Variants in GRIK1 observed in about 807,000 individuals in gnomAD.
GRIK1 encodes glutamate ionotropic receptor kainate type subunit 1.
GRIK1 carries 69 observed loss-of-function variants against 105.7 expected under a neutral mutation model. The observed-to-expected ratio is 0.65, with a 90% CI of 0.54 to 0.80. The LOEUF (loss-of-function observed/expected upper bound fraction) is 0.80. GRIK1 is among the 30% of genes least tolerant of loss of function. The pLI is 0.00. For missense variants in GRIK1, 1,109 were observed against 1,167.3 expected (o/e 0.95, Z 0.73); for synonymous variants, 438 against 431.3 (o/e 1.02, Z -0.19).
intron 1 of GRIK1, among the ~76,000 whole-genome samples, chr21:29,880,414 G>A (rs2069363254): frequency 6.6e-6 from 1 of 152,084 alleles, no homozygotes; most frequent in Non-Finnish European, 1.5e-5. Flanking sequence ...CCTATGATCA[G>A]AGAATCTTAT....
At chr21:29,587,921 T>C (rs1280739147) in intron 11 of GRIK1, among the ~76,000 whole-genome samples, 2 of 151,146 alleles carry the variant, frequency 1.3e-5, no homozygotes, top group African/African-American at 2.4e-5. Context: ...GTACTATTAA[T>C]TGACATGATG....
At chr21:29,560,558 T>TTCTC (rs1207072124) in intron 15 of GRIK1, among the ~76,000 whole-genome samples, 2 of 121,730 alleles carry the variant, frequency 1.6e-5, no homozygotes, top group South Asian at 2.5e-4. Flanking sequence ...CTTTCTTTCT[T>TTCTC]TCTTTCTTTC....
intron 1 of GRIK1, among the ~76,000 whole-genome samples, chr21:29,933,560 T>C (rs1452710650): frequency 6.6e-6 from 1 of 152,166 alleles, no homozygotes; most frequent in Non-Finnish European, 1.5e-5. Flanking sequence ...TTCCCCATGC[T>C]TACTTGCTCA....
chr21:29,740,181 A>G (rs1237653920), intron 1 of GRIK1, among the ~76,000 whole-genome samples: 1 of 151,832 alleles, frequency 6.6e-6, no homozygotes, highest in East Asian at 1.9e-4. Context: ...TCCTTATCAC[A>G]TGGCAGCCAC....
At chr21:29,561,144 T>C (rs781015288) in intron 15 of GRIK1, among the ~76,000 whole-genome samples, 2 of 152,220 alleles carry the variant, frequency 1.3e-5, no homozygotes, top group African/African-American at 2.4e-5. Flanking sequence ...ATCAGACTTA[T>C]AATTTAATCT....
At chr21:29,677,596 C>A (rs1247952217) in intron 3 of GRIK1, among the ~76,000 whole-genome samples, 1 of 151,810 alleles carries the variant, frequency 6.6e-6, no homozygotes, top group East Asian at 1.9e-4. Flanking sequence ...AAAAAAAAAA[C>A]CTCTGCTATT....
intron 15 of GRIK1, among the ~76,000 whole-genome samples, chr21:29,555,575 T>C (rs991724927): frequency 1.3e-5 from 2 of 152,198 alleles, no homozygotes; most frequent in Non-Finnish European, 2.9e-5. Flanking sequence ...CTATGACATG[T>C]CTTTGTTTCT....
At chr21:29,578,872 A>T (rs1176960770) in intron 13 of GRIK1, among the ~76,000 whole-genome samples, 3 of 152,228 alleles carry the variant, frequency 2.0e-5, no homozygotes, top group Admixed American at 2.0e-4. Flanking sequence ...TATCATTAAA[A>T]TACCATTTAT....
At chr21:29,757,315 TAGA>T (rs2065375413) in intron 1 of GRIK1, among the ~76,000 whole-genome samples, 1 of 152,146 alleles carries the variant, frequency 6.6e-6, no homozygotes, top group African/African-American at 2.4e-5. Flanking sequence ...AAAATCAGGG[TAGA>T]AGGTTTCCTT....
chr21:29,697,560 G>A lies in GRIK1; in HGVS notation c.119-3497C>T, dbSNP rs911122135. Among the ~76,000 whole-genome samples, 20 of 152,204 alleles carry A rather than the reference G, an allele frequency of 1.3e-4. 1 individual carries two copies. The highest frequency in any genetic ancestry group is 1.2e-3 in the Admixed American group (19 of 15,294). On this transcript the variant is annotated intron_variant, in intron 1 of 17. Coordinates refer to ENST00000327783, the MANE Select transcript of GRIK1 (RefSeq NM_001330994.2). ...CATCACACTCTCTTTCTTCAAGAGAGGGTTGCGGATAAATGCGAAAAATCT... is the reference window on the plus strand; with the variant it reads ...CATCACACTCTCTTTCTTCAAGAGAAGGTTGCGGATAAATGCGAAAAATCT...
chr21:29,600,107 ACTC>A (rs1202167850), intron 7 of GRIK1, among the ~76,000 whole-genome samples: 1 of 151,744 alleles, frequency 6.6e-6, no homozygotes, highest in Admixed American at 6.6e-5. Flanking sequence ...AAACAAAAAA[ACTC>A]CTTCTGCTTC....
At chr21:29,814,635 G>A (rs993546054) in intron 1 of GRIK1, among the ~76,000 whole-genome samples, 5 of 152,242 alleles carry the variant, frequency 3.3e-5, no homozygotes, top group East Asian at 1.9e-4. Flanking sequence ...ATGTATTACA[G>A]GTTTGGGGTT....
At chr21:29,753,687 G>T (rs907743077) in intron 1 of GRIK1, among the ~76,000 whole-genome samples, 2 of 152,172 alleles carry the variant, frequency 1.3e-5, no homozygotes, top group African/African-American at 4.8e-5. Context: ...ATTTTTAAAA[G>T]TTACCTTTAA....
chr21:29,601,277 T>C lies in GRIK1; in HGVS notation c.1099-2340A>G, dbSNP rs113207062. On this transcript the variant is annotated intron_variant, in intron 7 of 17. Transcript: ENST00000327783. Reference sequence around the variant, plus strand: ...TTCTTGAGAACAGGAGATTACATCATCGATGCTCTTCGTTCTCAGGCCTTT... The same window carrying C: ...TTCTTGAGAACAGGAGATTACATCACCGATGCTCTTCGTTCTCAGGCCTTT... The C allele has an allele frequency of 3.1e-3, 1,535 of 490,842 alleles. 16 individuals are homozygous for C. The highest frequency in any genetic ancestry group is 0.027 in the African/African-American group (1,402 of 51,686). 30.4% of individuals were successfully genotyped at this position (490,842 alleles called of 1,614,324 possible). A position where few individuals can be genotyped will look rare whatever the true frequency, so the allele number is the denominator to read the frequency against.
chr21:29,899,973 G>C (rs2070331381), intron 1 of GRIK1, among the ~76,000 whole-genome samples: 2 of 151,854 alleles, frequency 1.3e-5, no homozygotes, highest in African/African-American at 4.8e-5. Context: ...TAAGCACTGT[G>C]CTGGGTACAG....
rs1370137938 is a variant in GRIK1, at chr21:29,846,470, A to AAAG, written c.118+92910_118+92912dup. On this transcript the variant is annotated intron_variant, in intron 1 of 17. Coordinates refer to ENST00000327783, the MANE Select transcript of GRIK1 (RefSeq NM_001330994.2). ...GAAAGAAGGAAAGAGAGAGAGAAAG[A>AAAG]AAGAAAGAAAGAAAGAAAGAAAGAA... is the stretch of plus-strand genomic sequence containing the variant. Among the ~76,000 whole-genome samples the AAAG allele has an allele frequency of 8.1e-5, 4 of 49,110 alleles. No homozygotes were observed. The East Asian group carries it at 1.6e-3, about 20-fold the overall frequency. 32.2% of individuals were successfully genotyped at this position (49,110 alleles called of 152,430 possible).
intron 16 of GRIK1, chr21:29,553,128 A>G (rs539873453): frequency 1.5e-6 from 1 of 673,928 alleles, no homozygotes; most frequent in Admixed American, 6.3e-5. Context: ...GCAGATCTAC[A>G]CAATATATGA....
At chr21:29,855,967 TG>T (rs2068451308) in intron 1 of GRIK1, among the ~76,000 whole-genome samples, 1 of 152,086 alleles carries the variant, frequency 6.6e-6, no homozygotes, top group African/African-American at 2.4e-5. Context: ...AGACTGGAAT[TG>T]GGGGGAAACA....
chr21:29,555,801 A>G (rs899092357), intron 15 of GRIK1, among the ~76,000 whole-genome samples: 2 of 152,192 alleles, frequency 1.3e-5, no homozygotes, highest in African/African-American at 4.8e-5. Flanking sequence ...ACAGAACTGA[A>G]GGCCATGCCA....
Sources: gnomAD v4.1 joint callset for allele counts (sites outside exome capture counted in the v4.1 genomes callset) on GRCh38, gnomAD v4.1.1 for gene constraint, MANE v1.5 for transcripts, NCBI Gene and HGNC (gene_info 2026-07-23, HGNC 2026-07-21) for gene names.